The following ANO10 variants were observed in gnomAD, a reference collection of about 807,000 sequenced individuals.
ANO10 encodes anoctamin 10.
Under a neutral mutation model 74.7 loss-of-function variants are expected in ANO10, and 77 were observed. The ratio of observed to expected loss-of-function variants is 1.03; its 90% CI spans 0.86 to 1.25. The LOEUF (loss-of-function observed/expected upper bound fraction) is 1.25, where lower values mean the gene tolerates loss of function less well. Among genes scored for constraint, ANO10 ranks in the 50% most tolerant of loss-of-function variants. The probability of loss-of-function intolerance (pLI) is 0.00; values close to 1 mark genes in which losing one functional copy is unlikely to be tolerated. For synonymous variants in ANO10, 279 were observed against 284.9 expected, an observed-to-expected ratio of 0.98 and a Z score of 0.21; for missense variants, 721 against 778.1, an observed-to-expected ratio of 0.93 and a Z score of 0.87.
intron 11 of ANO10, among the ~76,000 whole-genome samples, chr3:43,445,510 T>C (rs1219146116): frequency 6.6e-6 from 1 of 152,114 alleles, no homozygotes; most frequent in Non-Finnish European, 1.5e-5. Context: ...TATCCCAAAA[T>C]CACAGGTAAA....
intron 11 of ANO10, among the ~76,000 whole-genome samples, chr3:43,465,043 A>C (rs2075554667): frequency 6.6e-6 from 1 of 152,254 alleles, no homozygotes; most frequent in Admixed American, 6.5e-5. Flanking sequence ...CCTATAGATT[A>C]TAAATGAAGA....
At chr3:43,408,747 T>A (rs1353877889) in intron 12 of ANO10, among the ~76,000 whole-genome samples, 1 of 152,158 alleles carries the variant, frequency 6.6e-6, no homozygotes, top group Non-Finnish European at 1.5e-5. Context: ...GTGTTTACCT[T>A]GGCCAGGCAC....
intron 11 of ANO10, among the ~76,000 whole-genome samples, chr3:43,468,036 T>C (rs1164064817): frequency 1.3e-5 from 2 of 152,358 alleles, no homozygotes; most frequent in Non-Finnish European, 2.9e-5. Context: ...GGTTGTATAA[T>C]GTGAGTATCT....
chr3:43,509,160 T>C (rs1421879378), intron 11 of ANO10, among the ~76,000 whole-genome samples: 1 of 151,568 alleles, frequency 6.6e-6, no homozygotes, highest in Non-Finnish European at 1.5e-5. Flanking sequence ...TACATGGGAA[T>C]TGAACAATGA....
chr3:43,424,847 T>C (rs536787417), intron 12 of ANO10: 86 of 152,280 alleles, frequency 5.6e-4, no homozygotes, highest in African/African-American at 2.0e-3. Flanking sequence ...GCGGGCGAAA[T>C]GAACCCTTTG....
intron 12 of ANO10, among the ~76,000 whole-genome samples, chr3:43,419,981 A>G (rs1185510836): frequency 2.0e-5 from 3 of 152,206 alleles, no homozygotes; most frequent in Admixed American, 1.3e-4. Flanking sequence ...TCTACATTCT[A>G]TTCTTAAGAG....
At chr3:43,672,962 G>A (rs1230412559) in intron 1 of ANO10, among the ~76,000 whole-genome samples, 3 of 152,188 alleles carry the variant, frequency 2.0e-5, no homozygotes, top group Admixed American at 6.5e-5. Flanking sequence ...CAGCTCTCAT[G>A]AACAGAGAAA....
chr3:43,418,867 C>T (rs2092779816), intron 12 of ANO10, among the ~76,000 whole-genome samples: 1 of 152,236 alleles, frequency 6.6e-6, no homozygotes, highest in Admixed American at 6.5e-5. Context: ...GGCCTACAGC[C>T]TGTTCGGTAA....
chr3:43,458,660 CT>C (rs1272914439), intron 11 of ANO10, among the ~76,000 whole-genome samples: 17 of 152,126 alleles, frequency 1.1e-4, no homozygotes, highest in Admixed American at 1.0e-3. Flanking sequence ...CTCTTTTTTA[CT>C]TTAAGTTCTG....
chr3:43,651,200 TC>T (rs1417374028), intron 1 of ANO10, among the ~76,000 whole-genome samples: 1 of 152,228 alleles, frequency 6.6e-6, no homozygotes, highest in African/African-American at 2.4e-5. Flanking sequence ...TCAGTTCTAT[TC>T]AACCCAAGTC....
At chr3:43,508,337 AT>A (rs2077374491) in intron 11 of ANO10, among the ~76,000 whole-genome samples, 2 of 152,234 alleles carry the variant, frequency 1.3e-5, no homozygotes, top group Non-Finnish European at 2.9e-5. Context: ...AACTAAAAAA[AT>A]CATTAGAAAA....
At chr3:43,645,553 C>T (rs2083718167) in intron 1 of ANO10, among the ~76,000 whole-genome samples, 1 of 152,064 alleles carries the variant, frequency 6.6e-6, no homozygotes. Context: ...TATTCTCTGC[C>T]TCTGAAGACA....
chr3:43,649,741 G>T (rs1226467919), intron 1 of ANO10, among the ~76,000 whole-genome samples: 1 of 152,218 alleles, frequency 6.6e-6, no homozygotes, highest in African/African-American at 2.4e-5. Context: ...GAGGTCCCGT[G>T]ACCTCAGCTA....
chr3:43,441,779 C>T (rs905167678), intron 11 of ANO10, among the ~76,000 whole-genome samples: 1 of 151,994 alleles, frequency 6.6e-6, no homozygotes, highest in African/African-American at 2.4e-5. Flanking sequence ...AAACCAAATT[C>T]AACAACACAT....
chr3:43,416,590 G>A (rs2092742467), intron 12 of ANO10, among the ~76,000 whole-genome samples: 1 of 152,196 alleles, frequency 6.6e-6, no homozygotes, highest in South Asian at 2.1e-4. Flanking sequence ...CATTTTAGCA[G>A]GTCTGGTATT....
chr3:43,642,528 T>A (rs907709130), intron 1 of ANO10, among the ~76,000 whole-genome samples: 10 of 152,214 alleles, frequency 6.6e-5, no homozygotes, highest in African/African-American at 2.4e-4. Context: ...TCCCAATTGT[T>A]TTCCATTTTA....
At chr3:43,439,384 C>A (rs1311171113) in intron 11 of ANO10, among the ~76,000 whole-genome samples, 1 of 149,744 alleles carries the variant, frequency 6.7e-6, no homozygotes, top group African/African-American at 2.5e-5. Context: ...CATAATGCTA[C>A]AGGCATTCCT....
At chr3:43,614,771 C>CCATATATATATATATATATATATA (rs2083001526) in intron 1 of ANO10, among the ~76,000 whole-genome samples, 1 of 52,698 alleles carries the variant, frequency 1.9e-5, no homozygotes, top group Admixed American at 2.1e-4. Context: ...GAAAACTAAA[C>CCATATATATATATATATATATATA]TATATATATA....
At chr3:43,628,260 C>T (rs1364236607) in intron 1 of ANO10, among the ~76,000 whole-genome samples, 2 of 152,110 alleles carry the variant, frequency 1.3e-5, no homozygotes, top group African/African-American at 2.4e-5. Context: ...TTTATTAGTT[C>T]CCCAAATTAA....
Sources: allele counts gnomAD v4.1 joint callset (sites outside exome capture counted in the v4.1 genomes callset), GRCh38; gene constraint gnomAD v4.1.1; transcripts MANE v1.5; gene names NCBI Gene and HGNC (gene_info 2026-07-23, HGNC 2026-07-21).